The following LEO1 variants were observed in gnomAD, a reference collection of about 807,000 sequenced individuals.
LEO1 encodes the protein RNA polymerase-associated protein LEO1.
A neutral mutation model predicts 80.4 loss-of-function variants in LEO1; 34 were observed. The observed-to-expected ratio is 0.42, with a 90% CI of 0.32 to 0.56. LEO1 has a LOEUF of 0.56. Ranked by LOEUF, LEO1 falls within the 20% of genes least tolerant of loss-of-function variation. The pLI, the probability that LEO1 is intolerant of heterozygous loss-of-function variation, is 0.10. For synonymous variants in LEO1, 262 were observed against 274.9 expected, an observed-to-expected ratio of 0.95 and a Z score of 0.46; for missense variants, 631 against 814.2, an observed-to-expected ratio of 0.77 and a Z score of 2.74.
At chr15:51,956,321 G>A (rs1333148198) in intron 6 of LEO1, among the ~76,000 whole-genome samples, 5 of 151,356 alleles carry the variant, frequency 3.3e-5, no homozygotes, top group Non-Finnish European at 7.4e-5. Context: ...TCGGGAGGCT[G>A]AGGCTGGAGA....
intron 11 of LEO1, 133 bp from the exon 12 acceptor site, chr15:51,938,393 T>C (rs559889456): frequency 7.6e-5 from 46 of 606,666 alleles, no homozygotes; most frequent in African/African-American, 6.7e-4. Flanking sequence ...GTGAGGGAGA[T>C]TGTGAGGTGT....
At chr15:51,960,855 A>C in intron 3 of LEO1, 122 bp from the exon 4 acceptor site, 15 of 621,498 alleles carry the variant, frequency 2.4e-5, no homozygotes, top group East Asian at 5.8e-5. Context: ...CAAAAACATA[A>C]TGCTGAGCCT....
intron 3 of LEO1, 86 bp from the exon 4 acceptor site, chr15:51,960,819 T>C: frequency 1.3e-6 from 1 of 781,532 alleles, no homozygotes; most frequent in Non-Finnish European, 2.2e-6. Flanking sequence ...ATTCCCAAGG[T>C]TTCTGGACCA....
chr15:51,951,157 TA>T (rs1264044480), intron 9 of LEO1, among the ~76,000 whole-genome samples: 1 of 152,128 alleles, frequency 6.6e-6, no homozygotes, highest in Non-Finnish European at 1.5e-5. Context: ...CCTGCTTCAC[TA>T]AACAACGTAA....
intron 2 of LEO1, among the ~76,000 whole-genome samples, chr15:51,964,296 A>G (rs2057057363): frequency 6.6e-6 from 1 of 152,160 alleles, no homozygotes; most frequent in African/African-American, 2.4e-5. Flanking sequence ...AAACTATCAC[A>G]AGGACAGAAA....
intron 4 of LEO1, 38 bp from the exon 5 acceptor site, chr15:51,960,082 C>T: frequency 6.5e-7 from 1 of 1,546,474 alleles, no homozygotes; most frequent in Non-Finnish European, 8.8e-7. Context: ...TTGACAGGAC[C>T]TTAGAAATGG....
Position 51,963,092 on chromosome 15 carries a change from C to T in LEO1, c.815-599G>A, listed in dbSNP as rs529238364. ...AGGAATTCAAGACCAGCCTGGCCAA[C>T]ATGGTGAAACCCATCTCTACTACAA... On this transcript the variant is annotated intron_variant, in intron 2 of 11. Transcript: ENST00000299601. Among the ~76,000 whole-genome samples, 4 of 152,188 alleles carry T rather than the reference C, an allele frequency of 2.6e-5. No individual in the cohort carries two copies. The South Asian group carries it at 8.3e-4, about 32-fold the overall frequency.
chr15:51,951,676 C>T (rs1217667159), intron 9 of LEO1, among the ~76,000 whole-genome samples, 168 bp downstream of exon 9: 2 of 152,150 alleles, frequency 1.3e-5, no homozygotes, highest in Admixed American at 6.5e-5. Context: ...ATCATTGCCA[C>T]GTCACCAATT....
chr15:51,944,857 A>G (rs1417122245), intron 11 of LEO1, among the ~76,000 whole-genome samples: 1 of 152,264 alleles, frequency 6.6e-6, no homozygotes, highest in African/African-American at 2.4e-5. Flanking sequence ...AATGAGGTTC[A>G]GAAAAGCCAG....
At chr15:51,965,249 T>C (rs954983402) in intron 2 of LEO1, among the ~76,000 whole-genome samples, 2 of 152,238 alleles carry the variant, frequency 1.3e-5, no homozygotes, top group Non-Finnish European at 2.9e-5. Context: ...TTTGACTAGT[T>C]TGAGTAAACT....
intron 11 of LEO1, among the ~76,000 whole-genome samples, chr15:51,944,572 C>T (rs1202430738): frequency 2.0e-5 from 3 of 152,056 alleles, no homozygotes; most frequent in Non-Finnish European, 2.9e-5. Flanking sequence ...ATCATGCTGT[C>T]TGGTACATTA....
In LEO1 at chr15:51,949,715, A is replaced by G. The variant is rs1242440748; in HGVS notation, c.1798+93T>C. The G allele has an allele frequency of 8.7e-6, 10 of 1,146,884 alleles. No homozygotes were observed. The East Asian group carries it at 1.7e-4, about 19-fold the overall frequency. 71.0% of individuals were successfully genotyped at this position (1,146,884 alleles called of 1,614,324 possible). ...ACTCCGTCTCAAAAAAAAAAAAAAAAAGTCCAGTGACTTGGCAGCCGGATT... is the reference window on the plus strand; with the variant it reads ...ACTCCGTCTCAAAAAAAAAAAAAAAGAGTCCAGTGACTTGGCAGCCGGATT... On this transcript the variant is annotated intron_variant, in intron 10 of 11. Coordinates refer to ENST00000299601, the MANE Select transcript of LEO1 (RefSeq NM_138792.4).
intron 6 of LEO1, among the ~76,000 whole-genome samples, chr15:51,955,733 C>T (rs538724062): frequency 2.0e-5 from 3 of 152,206 alleles, no homozygotes; most frequent in Non-Finnish European, 2.9e-5. Context: ...CCCAGTCCCA[C>T]GGAGATCGTC....
intron 3 of LEO1, among the ~76,000 whole-genome samples, chr15:51,961,392 G>GGTT (rs551616179): frequency 1.3e-5 from 2 of 151,084 alleles, no homozygotes; most frequent in Non-Finnish European, 2.9e-5. Context: ...TGGTGGTTGC[G>GGTT]GTTGTTGTTG....
chr15:51,967,038 C>A (rs1310494599), intron 1 of LEO1, among the ~76,000 whole-genome samples: 1 of 152,108 alleles, frequency 6.6e-6, no homozygotes, highest in Non-Finnish European at 1.5e-5. Context: ...CTCAGTTCGA[C>A]TGTCCAATCT....
At chr15:51,950,133 T>C (rs2056937252) in intron 9 of LEO1, 139 bp from the exon 10 acceptor site, 1 of 770,622 alleles carries the variant, frequency 1.3e-6, no homozygotes, top group African/African-American at 1.8e-5. Flanking sequence ...CCCACCTCTG[T>C]GGCTCCACAG....
intron 2 of LEO1, among the ~76,000 whole-genome samples, chr15:51,964,669 G>C (rs932044570): frequency 6.6e-6 from 1 of 151,910 alleles, no homozygotes; most frequent in African/African-American, 2.4e-5. Flanking sequence ...ATAACACCAA[G>C]ATGTGGTTTC....
At chr15:51,941,748 T>C (rs1470455700) in intron 11 of LEO1, among the ~76,000 whole-genome samples, 1 of 152,256 alleles carries the variant, frequency 6.6e-6, no homozygotes, top group Non-Finnish European at 1.5e-5. Context: ...TTTGGTAACT[T>C]AGACTCTGTT....
rs369585421 is a variant in LEO1 at position 51,951,995 on chromosome 15, C to G, written c.1476-16G>C. 5 of 1,609,004 alleles carry G rather than the reference C, an allele frequency of 3.1e-6. No homozygotes were observed. The highest frequency in any genetic ancestry group is 4.2e-6 in the Non-Finnish European group (5 of 1,176,820). ...AGAGTGAGGTCTGCCAGGAAATAAA[C>G]GAAGAGCATATCACTGTTTACCAAA... On this transcript the variant is annotated splice_polypyrimidine_tract_variant and intron_variant, in intron 8 of 11. Coordinates refer to ENST00000299601, the MANE Select transcript of LEO1 (RefSeq NM_138792.4).
Sources: gnomAD v4.1 joint callset for allele counts (sites outside exome capture counted in the v4.1 genomes callset) on GRCh38, gnomAD v4.1.1 for gene constraint, MANE v1.5 for transcripts, NCBI Gene and HGNC (gene_info 2026-07-23, HGNC 2026-07-21) for gene names.